The following CPT1B variants were observed in gnomAD, a reference collection of about 807,000 sequenced individuals.
CPT1B encodes carnitine O-palmitoyltransferase 1, muscle isoform.
CPT1B carries 57 observed loss-of-function variants against 92.7 expected under a neutral mutation model. The ratio of observed to expected loss-of-function variants is 0.62; its 90% CI spans 0.50 to 0.77. CPT1B has a LOEUF of 0.77. Ranked by LOEUF, CPT1B falls within the 30% of genes least tolerant of loss-of-function variation. CPT1B has a pLI of 0.00. For synonymous variants in CPT1B, 398 were observed against 383.5 expected, an observed-to-expected ratio of 1.04 and a Z score of -0.44; for missense variants, 983 against 1,017.4, an observed-to-expected ratio of 0.97 and a Z score of 0.46.
chr22:50,577,770 C>T lies in CPT1B; in HGVS notation c.141+5G>A, dbSNP rs1484062828. 6.2e-7 allele frequency: 1 copy of T among 1,612,670 alleles called. No homozygotes were observed. Among genetic ancestry groups the T allele is most frequent in the South Asian group, 1.1e-5 (1 of 91,080 alleles). ...CTACGCTCTGGGAGAAGCACCTGTG[C>T]GCACCTTGATGCGGATCAGGCGTTT... On this transcript the variant is annotated splice_donor_5th_base_variant and intron_variant, in intron 2 of 19. Transcript: ENST00000312108.
At position 50,573,589 on chromosome 22, in the gene CPT1B, C is replaced by T; in HGVS notation, c.1097G>A (p.Arg366Lys). The change falls in exon 10 of 20, where the codon AGG becomes AAG. Residue 366 changes from arginine (R) to lysine (K), a missense_variant. Transcript: ENST00000312108. This position sits in a 1 kb window ranked among gnomAD's most constrained non-coding sequence, Gnocchi z 5.0. ...KPQDLEMQFQ[R>K]ILDDPSPPQP... ...AGGTGGGGAGGGGTCGTCCAGGATC[C>T]TCTGGAACTGCATCTCCAGATCCTG... is the stretch of plus-strand genomic sequence containing the variant. 1 of 1,613,716 alleles carries T rather than the reference C, an allele frequency of 6.2e-7. No homozygotes were observed. Among genetic ancestry groups the T allele is most frequent in the South Asian group, 1.1e-5 (1 of 91,086 alleles).
rs1236539338 is a variant in CPT1B, at chr22:50,577,822, A to G, written c.94T>C (p.Tyr32His). 1.2e-6 allele frequency: 2 copies of G among 1,613,778 alleles called. No homozygotes were observed. The highest frequency in any genetic ancestry group is 1.3e-5 in the African/African-American group (1 of 74,946). The change falls in exon 2 of 20, where the codon TAC becomes CAC. Residue 32 changes from tyrosine (Y) to histidine (H), a missense_variant. Physicochemically the swap from Tyr to His is moderately conservative, Grantham distance 83 (BLOSUM62 2). Coordinates refer to ENST00000312108, the MANE Select transcript of CPT1B (RefSeq NM_152246.3). Reference protein sequence around the residue: ...RLSREALKHVYLSGINSWKKR... With the variant: ...RLSREALKHVHLSGINSWKKR... ...TTCCAGGAGTTGATCCCAGACAGGT[A>G]GACGTGTTTCAGGGCCTCCCGACTG...
At chr22:50,569,528 C>T in intron 18 of CPT1B, 48 bp downstream of exon 18, 1 of 1,607,992 alleles carries the variant, frequency 6.2e-7, no homozygotes, top group Non-Finnish European at 8.5e-7. Context: ...CCTGGGCAGC[C>T]CCAGGTGGCA....
intron 13 of CPT1B, 100 bp from the exon 14 acceptor site, chr22:50,571,639 A>C (rs529732244): frequency 7.5e-7 from 1 of 1,338,996 alleles, no homozygotes; most frequent in East Asian, 2.3e-5. Flanking sequence ...GAGAAAGGGC[A>C]CAGCCGGCCA....
intron 13 of CPT1B, 132 bp downstream of exon 13, chr22:50,571,874 G>A (rs1237572933): frequency 1.0e-5 from 9 of 871,902 alleles, no homozygotes; most frequent in South Asian, 3.0e-5. Context: ...ATCCTGAGAC[G>A]TGCCCTGTGC....
Position 50,573,458 on chromosome 22 carries a change from G to A in CPT1B, c.1166+62C>T, listed in dbSNP as rs1295211999. Reference sequence around the variant, plus strand: ...GTTCCAGGGTGGCAGGCAGGGCCACGCTCCTCTCCTCACGGAGCCCTGAAC... The same window carrying A: ...GTTCCAGGGTGGCAGGCAGGGCCACACTCCTCTCCTCACGGAGCCCTGAAC... On this transcript the variant is annotated intron_variant, in intron 10 of 19. Coordinates refer to ENST00000312108, the MANE Select transcript of CPT1B (RefSeq NM_152246.3). This position sits in a 1 kb window ranked among gnomAD's most constrained non-coding sequence, Gnocchi z 5.0. 5 of 1,453,146 alleles carry A rather than the reference G, an allele frequency of 3.4e-6. No homozygotes were observed. Among genetic ancestry groups the A allele is most frequent in the East Asian group, 2.3e-5 (1 of 43,556 alleles). The allele number at this position is 1,453,146 out of a possible 1,614,324, so 90.0% of individuals were successfully genotyped here. A position where few individuals can be genotyped will look rare whatever the true frequency, so the allele number is the denominator to read the frequency against.
At chr22:50,570,852 G>A (rs1603443231) in intron 16 of CPT1B, 39 bp downstream of exon 16, 3 of 1,601,400 alleles carry the variant, frequency 1.9e-6, no homozygotes. Context: ...CGTGTAGGAG[G>A]GCAGTGGGAC....
chr22:50,570,996 CTGG>C lies in CPT1B; in HGVS notation c.1920_1922del (p.His640del). 6.2e-7 allele frequency: 1 copy of C among 1,614,078 alleles called. No homozygotes were observed. The highest frequency in any genetic ancestry group is 8.5e-7 in the Non-Finnish European group (1 of 1,180,026). On this transcript the variant is annotated inframe_deletion, in exon 16 of 20. Coordinates refer to ENST00000312108, the MANE Select transcript of CPT1B (RefSeq NM_152246.3). Reference sequence around the variant, plus strand: ...CGGTCATGGCCAGGCGGTACATATTCTGGTGCTTCTTAGCAGCCTTCTGGAAGA... The same window carrying C: ...CGGTCATGGCCAGGCGGTACATATTCTGCTTCTTAGCAGCCTTCTGGAAGA...
Position 50,576,110 on chromosome 22 carries a change from C to A in CPT1B, c.702G>T (p.Val234=), listed in dbSNP as rs2070419374. The change falls in exon 7 of 20, where the codon GTG becomes GTT. Residue 234 remains valine, a splice_region_variant and synonymous_variant. Transcript: ENST00000312108. ...VLKSWWASNY[V]SDWWEEYIYL... is the part of the protein sequence containing the mutation. The stretch of plus-strand genomic sequence containing the variant: ...AGATGTACTCTTCCCACCAGTCACT[C>A]ACCTGTGGGGAGGTGGAAGGTTAGA... The A allele has an allele frequency of 1.2e-6, 2 of 1,614,102 alleles. No homozygotes were observed. The highest frequency in any genetic ancestry group is 1.7e-6 in the Non-Finnish European group (2 of 1,179,988).
chr22:50,578,250 G>C (rs1436489566), intron 1 of CPT1B, 136 bp downstream of exon 1: 1 of 153,152 alleles, frequency 6.5e-6, no homozygotes, highest in Non-Finnish European at 1.5e-5. Context: ...TGGAAGTGGA[G>C]CCGGCCTGGA....
At position 50,573,743 on chromosome 22, in the gene CPT1B, GGCGGGGCCCCCA is replaced by G. The variant is rs2070300598; in HGVS notation, c.971-40_971-29del. 1 of 1,600,486 alleles carries G rather than the reference GGCGGGGCCCCCA, an allele frequency of 6.2e-7. No individual in the cohort carries two copies. Among genetic ancestry groups the G allele is most frequent in the Admixed American group, 1.7e-5 (1 of 58,474 alleles). On this transcript the variant is annotated intron_variant, in intron 9 of 19. Transcript: ENST00000312108. The surrounding 1 kb of genome is among the most constrained non-coding windows in gnomAD (Gnocchi z 5.0). ...GTGATACAGGCCACGGGCAAGCTGA[GGCGGGGCCCCCA>G]GCTACATCCTGGGAAGGGCCCACCT...
chr22:50,572,855 TG>T lies in CPT1B; in HGVS notation c.1352+19del. The T allele has an allele frequency of 6.3e-7, 1 of 1,596,540 alleles. No homozygotes were observed. On this transcript the variant is annotated intron_variant, in intron 11 of 19. Coordinates refer to ENST00000312108, the MANE Select transcript of CPT1B (RefSeq NM_152246.3). ...ACTTTTAACCTTAAGCTGTAACCTG[TG>T]GGGCTGGGGCTGCCGTACCTGTTGT...
Position 50,570,499 on chromosome 22 carries a change from T to C in CPT1B, c.2029-93A>G, listed in dbSNP as rs187281012. ...CGACCTACTCTGAGCCAGACACGGTTCTGCTGAGGGTGCAGGAGCTCCCTG... is the reference window on the plus strand; with the variant it reads ...CGACCTACTCTGAGCCAGACACGGTCCTGCTGAGGGTGCAGGAGCTCCCTG... On this transcript the variant is annotated intron_variant, in intron 16 of 19. Transcript: ENST00000312108. 88 of 1,039,486 alleles carry C rather than the reference T, an allele frequency of 8.5e-5. 1 individual carries two copies. In the African/African-American group the frequency reaches 1.1e-3, roughly 13 times the overall value. 64.4% of individuals were successfully genotyped at this position (1,039,486 alleles called of 1,614,324 possible).
At position 50,569,254 on chromosome 22, in the gene CPT1B, G is replaced by A. The variant is rs2070035196; in HGVS notation, c.*2+82C>T. Reference sequence around the variant, plus strand: ...CCTTGGAGCCTGGGCACCTGTGCACGGCCACCCCTCATGCCTGTGAGCTGC... The same window carrying A: ...CCTTGGAGCCTGGGCACCTGTGCACAGCCACCCCTCATGCCTGTGAGCTGC... On this transcript the variant is annotated intron_variant, in intron 19 of 19. Transcript: ENST00000312108. 2.4e-5 allele frequency: 34 copies of A among 1,399,938 alleles called. 1 individual carries two copies. Among genetic ancestry groups the A allele is most frequent in the East Asian group, 2.1e-4 (9 of 43,506 alleles). 86.7% of individuals were successfully genotyped at this position (1,399,938 alleles called of 1,614,324 possible).
Position 50,575,139 on chromosome 22 carries a change from G to A in CPT1B, c.778-539C>T, listed in dbSNP as rs1255267172. 5.9e-5 allele frequency among the ~76,000 whole-genome samples: 9 copies of A among 151,940 alleles called. No individual in the cohort carries two copies. In the East Asian group the frequency reaches 7.7e-4, roughly 13 times the overall value. On this transcript the variant is annotated intron_variant, in intron 7 of 19. Transcript: ENST00000312108. ...CGCCATTTGCCTGCCTCAGCCTCCC[G>A]AGTAGCTGGGACTACAGACGCCCAC...
intron 13 of CPT1B, 121 bp from the exon 14 acceptor site, chr22:50,571,660 A>G: frequency 8.9e-7 from 1 of 1,129,316 alleles, no homozygotes; most frequent in South Asian, 1.4e-5. Flanking sequence ...AGACATCTTC[A>G]GGAGGAGGGT....
chr22:50,573,629 G>A lies in CPT1B; in HGVS notation c.1057C>T (p.Arg353Cys), dbSNP rs776703603. The change falls in exon 10 of 20, where the codon CGT (arginine) becomes TGT (cysteine). Residue 353 changes from arginine to cysteine, a missense_variant. By Grantham distance (180) the Arg-to-Cys change is radical. Coordinates refer to ENST00000312108, the MANE Select transcript of CPT1B (RefSeq NM_152246.3). The surrounding 1 kb of genome is among the most constrained non-coding windows in gnomAD (Gnocchi z 5.0). ...TCCAGATCCTGAGGCTTGAGCAGAC[G>A]GGCGCCCTCATAGAGCCACAGCTTG... ...FFKLWLYEGA[R>C]LLKPQDLEMQ... is the part of the protein sequence containing the mutation. 6.8e-6 allele frequency: 11 copies of A among 1,613,332 alleles called. No individual in the cohort carries two copies. Among genetic ancestry groups the A allele is most frequent in the Middle Eastern group, 1.6e-4 (1 of 6,082 alleles).
In CPT1B at chr22:50,573,158, G is replaced by A; in HGVS notation, c.1167-98C>T. ...CCTGGAGATGGGGGTGGGGTGCCAG[G>A]CTGGACCTGGAGATGGGGGGTACCA... On this transcript the variant is annotated intron_variant, in intron 10 of 19. Transcript: ENST00000312108. This position sits in a 1 kb window ranked among gnomAD's most constrained non-coding sequence, Gnocchi z 5.0. 3 of 1,076,970 alleles carry A rather than the reference G, an allele frequency of 2.8e-6. No homozygotes were observed. The highest frequency in any genetic ancestry group is 1.5e-5 in the South Asian group (1 of 66,362). The allele number at this position is 1,076,970 out of a possible 1,614,324, so 66.7% of individuals were successfully genotyped here.
At chr22:50,574,979 T>A (rs1196753101) in intron 7 of CPT1B, 1 of 159,894 alleles carries the variant, frequency 6.3e-6, no homozygotes, top group Admixed American at 6.4e-5. Context: ...TGAGCTTCCT[T>A]TTTATTTGTT....
Sources: gnomAD v4.1 joint callset for allele counts (sites outside exome capture counted in the v4.1 genomes callset) on GRCh38, gnomAD v4.1.1 for gene constraint, Gnocchi (gnomAD v3.1) non-coding constraint, MANE v1.5 for transcripts, NCBI Gene and HGNC (gene_info 2026-07-23, HGNC 2026-07-21) for gene names.